ACTR3B: variants seen among roughly 807,000 people sequenced by gnomAD.
ACTR3B encodes the protein actin related protein 3B.
Under a neutral mutation model 59.0 loss-of-function variants are expected in ACTR3B, and 8 were observed. The ratio of observed to expected loss-of-function variants is 0.14; its 90% CI spans 0.08 to 0.24. The LOEUF (loss-of-function observed/expected upper bound fraction) is 0.24. Ranked by LOEUF, ACTR3B falls within the 10% of genes least tolerant of loss-of-function variation. The pLI is 1.00. For synonymous variants in ACTR3B, 148 were observed against 197.9 expected (o/e 0.75, Z 2.12); for missense variants, 245 against 552.3 (o/e 0.44, Z 5.58).
At chr7:152,768,405 G>T (rs1300286703) in intron 1 of ACTR3B, among the ~76,000 whole-genome samples, 1 of 152,170 alleles carries the variant, frequency 6.6e-6, no homozygotes, top group East Asian at 1.9e-4. Context: ...ATTTTAGTGG[G>T]ATAGTTCTGG....
At chr7:152,841,704 C>T (rs1797879917) in intron 9 of ACTR3B, among the ~76,000 whole-genome samples, 1 of 152,190 alleles carries the variant, frequency 6.6e-6, no homozygotes, top group African/African-American at 2.4e-5. Context: ...CACACAGTTA[C>T]AGAACATTGA....
intron 4 of ACTR3B, among the ~76,000 whole-genome samples, chr7:152,806,174 ATAAT>A (rs1415311849): frequency 1.3e-5 from 2 of 152,346 alleles, no homozygotes; most frequent in African/African-American, 4.8e-5. Flanking sequence ...CTTGTTATAA[ATAAT>A]AGTTTGAGAA....
intron 4 of ACTR3B, among the ~76,000 whole-genome samples, chr7:152,810,404 G>A (rs1166213128): frequency 4.0e-4 from 50 of 124,108 alleles, no homozygotes; most frequent in African/African-American, 1.4e-3. Flanking sequence ...ACAGCACCCA[G>A]CCTGTTTTTT....
At chr7:152,762,888 C>T (rs910696875) in intron 1 of ACTR3B, among the ~76,000 whole-genome samples, 18 of 152,180 alleles carry the variant, frequency 1.2e-4, no homozygotes, top group African/African-American at 4.3e-4. Flanking sequence ...CCTGTTGATC[C>T]TTCTTAGTGC....
intron 10 of ACTR3B, among the ~76,000 whole-genome samples, chr7:152,852,640 GCAGGGAGTT>G (rs1798906306): frequency 6.6e-6 from 1 of 152,182 alleles, no homozygotes; most frequent in African/African-American, 2.4e-5. Flanking sequence ...ACTAATGTTA[GCAGGGAGTT>G]ACAAGGCGTT....
At chr7:152,789,997 CT>C (rs756068314) in intron 2 of ACTR3B, among the ~76,000 whole-genome samples, 2,111 of 102,784 alleles carry the variant, frequency 0.021, 5 homozygotes, top group Middle Eastern at 0.06. Context: ...TGTACTCTTT[CT>C]TTTTTTTTTT....
Position 152,815,979 on chromosome 7 carries a change from C to T in ACTR3B, c.433-502C>T, listed in dbSNP as rs536899359. 2.0e-3 allele frequency among the ~76,000 whole-genome samples: 301 copies of T among 151,088 alleles called. 2 individuals are homozygous for T. The highest frequency in any genetic ancestry group is 7.0e-3 in the African/African-American group (288 of 41,074). On this transcript the variant is annotated intron_variant, in intron 5 of 11. Transcript: ENST00000256001. ...TTTTTATTTTTGAGACAAGGTCTCACTGTGTTGTCCAGGCTGGAGTGCAGT... is the reference window on the plus strand; with the variant it reads ...TTTTTATTTTTGAGACAAGGTCTCATTGTGTTGTCCAGGCTGGAGTGCAGT...
rs2117037555 is a variant in ACTR3B, at chr7:152,854,631, C to A, written c.*78C>A. 6.9e-7 allele frequency: 1 copy of A among 1,454,022 alleles called. No homozygotes were observed. Among genetic ancestry groups the A allele is most frequent in the East Asian group, 2.3e-5 (1 of 43,910 alleles). 90.1% of individuals were successfully genotyped at this position (1,454,022 alleles called of 1,614,324 possible). ...TCAGAACCCAGAGAAGGCCGCCGTT[C>A]TGTAAATAGCGACGTCGGTGTTGCT... On this transcript the variant is annotated 3_prime_UTR_variant, in exon 12 of 12. Transcript: ENST00000256001. This position sits in a 1 kb window ranked among gnomAD's most constrained non-coding sequence, Gnocchi z 4.9.
intron 4 of ACTR3B, chr7:152,811,040 T>A (rs569178074): frequency 3.3e-5 from 5 of 151,984 alleles, no homozygotes; most frequent in Admixed American, 1.3e-4. Context: ...TTCATTTTTT[T>A]AAATTGTTCC....
chr7:152,811,979 A>G (rs1795278414), intron 4 of ACTR3B: 1 of 120,328 alleles, frequency 8.3e-6, no homozygotes, highest in African/African-American at 2.7e-5. Context: ...TAAAATTTAT[A>G]ACATTTACAT....
chr7:152,801,070 T>C (rs1388735512), intron 3 of ACTR3B, among the ~76,000 whole-genome samples: 1 of 152,302 alleles, frequency 6.6e-6, no homozygotes, highest in African/African-American at 2.4e-5. Context: ...TATCGGTTCC[T>C]CATTGTATTT....
chr7:152,853,180 TAA>T (rs879307635), intron 10 of ACTR3B, among the ~76,000 whole-genome samples: 10 of 144,774 alleles, frequency 6.9e-5, no homozygotes, highest in South Asian at 2.2e-4. Context: ...TATGTTAGGT[TAA>T]AAAAAAAAAA....
chr7:152,832,338 A>C (rs1797096490), intron 9 of ACTR3B, among the ~76,000 whole-genome samples: 1 of 152,150 alleles, frequency 6.6e-6, no homozygotes, highest in South Asian at 2.1e-4. Flanking sequence ...TCTGGGCCAG[A>C]CATAGAGATT....
At chr7:152,833,298 C>T (rs1590404621) in intron 9 of ACTR3B, among the ~76,000 whole-genome samples, 1 of 152,242 alleles carries the variant, frequency 6.6e-6, no homozygotes, top group Non-Finnish European at 1.5e-5. Flanking sequence ...GCTTGGATTT[C>T]TCCTAGGACA....
chr7:152,763,434 C>CT (rs993893068), intron 1 of ACTR3B, among the ~76,000 whole-genome samples: 201 of 124,412 alleles, frequency 1.6e-3, no homozygotes, highest in African/African-American at 5.1e-3. Context: ...TTGTTTTTTT[C>CT]TTTTTTTTTG....
rs549497819 is a variant in ACTR3B at position 152,775,069 on chromosome 7, A to G, written c.45-8118A>G. Among the ~76,000 whole-genome samples the G allele has an allele frequency of 8.6e-5, 13 of 151,952 alleles. No homozygotes were observed. The South Asian group carries it at 1.9e-3, about 22-fold the overall frequency. Reference sequence around the variant, plus strand: ...CAGCCAGGCATGGTGTCGTGCACCTATAGTCTTGGCCACTCAGGAAGTTGA... The same window carrying G: ...CAGCCAGGCATGGTGTCGTGCACCTGTAGTCTTGGCCACTCAGGAAGTTGA... On this transcript the variant is annotated intron_variant, in intron 1 of 11. Transcript: ENST00000256001.
At chr7:152,785,724 G>A (rs1329781453) in intron 2 of ACTR3B, among the ~76,000 whole-genome samples, 1 of 53,478 alleles carries the variant, frequency 1.9e-5, no homozygotes, top group African/African-American at 8.3e-5. Flanking sequence ...TTCTCTGCGT[G>A]GCATGGAGGT....
At chr7:152,849,717 A>T (rs558766374) in intron 9 of ACTR3B, among the ~76,000 whole-genome samples, 2 of 152,284 alleles carry the variant, frequency 1.3e-5, no homozygotes, top group African/African-American at 4.8e-5. Context: ...TGGCTTCTTT[A>T]GCCCCTGACA....
intron 11 of ACTR3B, 60 bp downstream of exon 11, chr7:152,853,637 T>C: frequency 6.9e-7 from 1 of 1,456,768 alleles, no homozygotes; most frequent in Non-Finnish European, 9.5e-7. Flanking sequence ...TGAGTTTGGG[T>C]AAATACTGTC....
Sources: allele counts gnomAD v4.1 joint callset (sites outside exome capture counted in the v4.1 genomes callset), GRCh38; gene constraint gnomAD v4.1.1; non-coding constraint Gnocchi (gnomAD v3.1); transcripts MANE v1.5; gene names NCBI Gene and HGNC (gene_info 2026-07-23, HGNC 2026-07-21).